The following THOC2 variants were observed in gnomAD, a reference collection of about 807,000 sequenced individuals.
THOC2 encodes the protein THO complex subunit 2.
A neutral mutation model predicts 128.4 loss-of-function variants in THOC2; 10 were observed. The ratio of observed to expected loss-of-function variants is 0.08; its 90% CI spans 0.05 to 0.13. The LOEUF is 0.13. Among genes scored for constraint, THOC2 ranks in the 10% least tolerant of loss-of-function variants. THOC2 has a pLI of 1.00. For missense variants in THOC2, 535 were observed against 1,155.7 expected (o/e 0.46, Z 7.79); for synonymous variants, 393 against 396.9 (o/e 0.99, Z 0.12).
At chrX:123,729,827 G>C (rs1190996881) in intron 1 of THOC2, among the ~76,000 whole-genome samples, 1 of 111,743 alleles carries the variant, frequency 8.9e-6, no homozygotes, top group Non-Finnish European at 1.9e-5. Context: ...TAATATATTT[G>C]CACCACCACG....
intron 37 of THOC2, 96 bp from the exon 38 acceptor site, chrX:123,611,059 G>T (rs2046683411): frequency 1.3e-6 from 1 of 799,532 alleles, no homozygotes; most frequent in Non-Finnish European, 1.8e-6. Flanking sequence ...GGCCTAAATG[G>T]GCTCTGACCA....
intron 12 of THOC2, 104 bp from the exon 13 acceptor site, chrX:123,645,479 ATTG>A (rs1417096913): frequency 5.5e-5 from 24 of 439,243 alleles, no homozygotes; most frequent in Non-Finnish European, 8.4e-5. Context: ...ATGGTTGTAA[ATTG>A]TTCTTACTTT....
intron 1 of THOC2, among the ~76,000 whole-genome samples, chrX:123,730,217 T>C (rs1464129169): frequency 9.1e-6 from 1 of 110,139 alleles, no homozygotes; most frequent in Non-Finnish European, 1.9e-5. Flanking sequence ...TCGCTCTTGT[T>C]ACCCATGCTG....
intron 1 of THOC2, among the ~76,000 whole-genome samples, chrX:123,713,211 G>C (rs1030728546): frequency 2.6e-4 from 29 of 112,257 alleles, no homozygotes; most frequent in African/African-American, 8.4e-4. Context: ...AGTGGCTCAC[G>C]CCTGTAATCC....
chrX:123,722,232 A>T (rs766131433), intron 1 of THOC2, among the ~76,000 whole-genome samples: 1 of 112,060 alleles, frequency 8.9e-6, no homozygotes, highest in East Asian at 2.8e-4. Flanking sequence ...TACCCAAAGG[A>T]TTATAAATCA....
At chrX:123,630,703 T>C (rs540981750) in intron 22 of THOC2, among the ~76,000 whole-genome samples, 3 of 106,381 alleles carry the variant, frequency 2.8e-5, no homozygotes, top group African/African-American at 1.0e-4. Flanking sequence ...AGAGGGGACA[T>C]AGCAATCACC....
chrX:123,724,984 G>A (rs1296699603), intron 1 of THOC2, among the ~76,000 whole-genome samples: 1 of 111,061 alleles, frequency 9.0e-6, no homozygotes, highest in East Asian at 2.9e-4. Context: ...AGGCTGAGGT[G>A]GGAGGATCGC....
intron 1 of THOC2, among the ~76,000 whole-genome samples, chrX:123,727,733 T>C (rs1211062803): frequency 8.9e-6 from 1 of 112,269 alleles, no homozygotes; most frequent in East Asian, 2.8e-4. Flanking sequence ...TGTGCCACAG[T>C]GCACACCACC....
intron 12 of THOC2, among the ~76,000 whole-genome samples, chrX:123,647,623 C>T (rs1373607161): frequency 4.5e-5 from 5 of 109,994 alleles, no homozygotes; most frequent in East Asian, 5.7e-4. Flanking sequence ...ATCATGAGGT[C>T]GGGAGTTCGA....
intron 33 of THOC2, among the ~76,000 whole-genome samples, chrX:123,617,939 A>G (rs775780284): frequency 8.9e-6 from 1 of 112,029 alleles, no homozygotes; most frequent in African/African-American, 3.2e-5. Context: ...ACATTAAATG[A>G]AAGTTCTATA....
At chrX:123,715,784 C>CAA (rs765556592) in intron 1 of THOC2, among the ~76,000 whole-genome samples, 100 of 38,103 alleles carry the variant, frequency 2.6e-3, no homozygotes, top group African/African-American at 6.8e-3. Flanking sequence ...GACCTTGTCT[C>CAA]AAAAAAAAAA....
intron 38 of THOC2, chrX:123,603,476 C>T: frequency 2.1e-6 from 1 of 478,409 alleles, no homozygotes; most frequent in Non-Finnish European, 3.6e-6. Context: ...GATGCTGATT[C>T]TGGATGGTGT....
intron 9 of THOC2, among the ~76,000 whole-genome samples, chrX:123,670,965 T>C (rs1486237894): frequency 2.7e-5 from 3 of 111,839 alleles, no homozygotes; most frequent in Non-Finnish European, 5.6e-5. Flanking sequence ...GTGAAGATGA[T>C]ATCACCTTTG....
At chrX:123,610,551 A>T (rs1488650733) in intron 38 of THOC2, among the ~76,000 whole-genome samples, 1 of 112,021 alleles carries the variant, frequency 8.9e-6, no homozygotes, top group Admixed American at 9.4e-5. Flanking sequence ...TTAACCTCTC[A>T]GAGTCTGTTT....
intron 12 of THOC2, among the ~76,000 whole-genome samples, chrX:123,662,872 T>C (rs1359562615): frequency 9.0e-6 from 1 of 111,695 alleles, no homozygotes; most frequent in African/African-American, 3.2e-5. Flanking sequence ...TCAACATCCC[T>C]AGTCACTGGA....
chrX:123,702,660 C>T (rs1206652185), intron 4 of THOC2, among the ~76,000 whole-genome samples: 2 of 104,680 alleles, frequency 1.9e-5, no homozygotes, highest in East Asian at 2.9e-4. Context: ...CAGGGCATGG[C>T]GGTGAGATAG....
intron 33 of THOC2, among the ~76,000 whole-genome samples, chrX:123,618,701 T>C (rs1231095952): frequency 9.0e-6 from 1 of 111,644 alleles, no homozygotes; most frequent in Non-Finnish European, 1.9e-5. Context: ...ACATGAACAA[T>C]GGACAATTCA....
intron 38 of THOC2, among the ~76,000 whole-genome samples, chrX:123,609,748 C>T (rs754615284): frequency 1.4e-4 from 16 of 111,660 alleles, no homozygotes; most frequent in East Asian, 5.6e-4. Flanking sequence ...AAAGCAGAGT[C>T]GGCCAGGCAC....
chrX:123,701,611 C>T (rs2050706487), intron 4 of THOC2, among the ~76,000 whole-genome samples: 1 of 109,725 alleles, frequency 9.1e-6, no homozygotes, highest in Non-Finnish European at 1.9e-5. Context: ...CAAAATGTTA[C>T]CTACACATCA....
Sources: gnomAD v4.1 joint callset for allele counts (sites outside exome capture counted in the v4.1 genomes callset) on GRCh38, gnomAD v4.1.1 for gene constraint, MANE v1.5 for transcripts, NCBI Gene and HGNC (gene_info 2026-07-23, HGNC 2026-07-21) for gene names.